The following TNKS1BP1 variants were observed in gnomAD, a reference collection of about 807,000 sequenced individuals.
TNKS1BP1 encodes 182 kDa tankyrase-1-binding protein.
A neutral mutation model predicts 141.1 loss-of-function variants in TNKS1BP1; 48 were observed. The ratio of observed to expected loss-of-function variants is 0.34; its 90% CI spans 0.27 to 0.43. The LOEUF is 0.43. Among genes scored for constraint, TNKS1BP1 ranks in the 20% least tolerant of loss-of-function variants. The probability of loss-of-function intolerance (pLI) is 1.00; values close to 1 mark genes in which losing one functional copy is unlikely to be tolerated. For synonymous variants in TNKS1BP1, 875 were observed against 898.2 expected, an observed-to-expected ratio of 0.97 and a Z score of 0.46; for missense variants, 2,149 against 2,226.0, an observed-to-expected ratio of 0.97 and a Z score of 0.70.
chr11:57,307,942 G>A (rs1278712867), intron 6 of TNKS1BP1, among the ~76,000 whole-genome samples: 1 of 152,184 alleles, frequency 6.6e-6, no homozygotes, highest in Non-Finnish European at 1.5e-5. Context: ...AGAACCCGTG[G>A]GTTCCACTGT....
At position 57,310,027 on chromosome 11, in the gene TNKS1BP1, C is replaced by T. The variant is rs1855680333; in HGVS notation, c.2684G>A (p.Gly895Asp). The change falls in exon 6 of 12, where the codon GGT becomes GAT. Residue 895 changes from glycine (G) to aspartate (D), a missense_variant. By Grantham distance (94) the Gly-to-Asp change is moderately conservative. Coordinates refer to ENST00000358252, the MANE Select transcript of TNKS1BP1 (RefSeq NM_033396.3). ...DWEFGKRDSL[G>D]AYASQDANEQ... ...GTTGGCATCTTGGCTGGCATAAGCA[C>T]CCAGAGAATCTCTCTTCCCAAATTC... The T allele has an allele frequency of 6.2e-7, 1 of 1,614,154 alleles. No individual in the cohort carries two copies. Among genetic ancestry groups the T allele is most frequent in the Non-Finnish European group, 8.5e-7 (1 of 1,180,022 alleles).
chr11:57,320,228 G>A lies in TNKS1BP1; in HGVS notation c.579C>T (p.Gly193=). The part of the protein sequence containing the change: ...WGSRLTFNHD[G]SSRYGPRTYG... ...AGGTCCTGGGGCCATATCGCGAGCT[G>A]CCATCGTGGTTAAAGGTGAGGCGGG... Residue 193 remains glycine (G), a synonymous_variant, in exon 3 of 12, where the codon GGC becomes GGT. Coordinates refer to ENST00000358252, the MANE Select transcript of TNKS1BP1 (RefSeq NM_033396.3). The A allele has an allele frequency of 1.2e-6, 2 of 1,614,210 alleles. No homozygotes were observed. The highest frequency in any genetic ancestry group is 1.7e-6 in the Non-Finnish European group (2 of 1,180,046).
At chr11:57,303,426 G>A (rs71484441) in intron 6 of TNKS1BP1, 5,422 of 152,504 alleles carry the variant, frequency 0.036, 148 homozygotes, top group Non-Finnish European at 0.047. Flanking sequence ...GCACCACACC[G>A]TCCCTGGTGG....
intron 3 of TNKS1BP1, among the ~76,000 whole-genome samples, chr11:57,319,144 CAA>C (rs558416849): frequency 0.16 from 10,054 of 63,966 alleles, 306 homozygotes; most frequent in Middle Eastern, 0.2. Context: ...GACTCCGTCT[CAA>C]AAAAAAAAAA....
chr11:57,322,050 A>C, intron 1 of TNKS1BP1, 100 bp from the exon 2 acceptor site: 1 of 583,628 alleles, frequency 1.7e-6, no homozygotes, highest in Non-Finnish European at 2.4e-6. Flanking sequence ...AGAGTGTGGG[A>C]CAGGAAGAGA....
Position 57,308,709 on chromosome 11 carries a change from T to C in TNKS1BP1, c.4002A>G (p.Leu1334=). 8.7e-6 allele frequency: 14 copies of C among 1,613,242 alleles called. No homozygotes were observed. The highest frequency in any genetic ancestry group is 1.2e-5 in the Non-Finnish European group (14 of 1,179,974). Residue 1334 remains leucine, a synonymous_variant, in exon 6 of 12, where the codon CTA becomes CTG. Transcript: ENST00000358252. ...CCATCTGCCCCACTCCACATCCCCGTAGCCCCTGAGAACCTCCAGAGTCTG... is the reference window on the plus strand; with the variant it reads ...CCATCTGCCCCACTCCACATCCCCGCAGCCCCTGAGAACCTCCAGAGTCTG... ...CDPDSGGSQG[L]RGCGVGQMDW...
Position 57,302,594 on chromosome 11 carries a change from G to C in TNKS1BP1, c.4548C>G (p.Ser1516Arg). 6.2e-7 allele frequency: 1 copy of C among 1,612,782 alleles called. No homozygotes were observed. The highest frequency in any genetic ancestry group is 8.5e-7 in the Non-Finnish European group (1 of 1,179,892). ...SWRPQPDGEA[S>R]QTEDVDGTWG... is the part of the protein sequence containing the mutation. ...AGGTGCCATCCACGTCTTCTGTCTG[G>C]CTGGCCTCACCATCAGGCTGCGGCC... Residue 1516 changes from serine to arginine, a missense_variant, in exon 7 of 12, where the codon AGC (serine) becomes AGG (arginine). Physicochemically the swap from Ser to Arg is moderately radical, Grantham distance 110. Transcript: ENST00000358252. This position sits in a 1 kb window ranked among gnomAD's most constrained non-coding sequence, Gnocchi z 5.5.
intron 6 of TNKS1BP1, among the ~76,000 whole-genome samples, 154 bp downstream of exon 6, chr11:57,308,241 T>C (rs1855642569): frequency 6.6e-6 from 1 of 152,256 alleles, no homozygotes; most frequent in African/African-American, 2.4e-5. Context: ...TATTTTTAAG[T>C]AGAACTAAAA....
intron 5 of TNKS1BP1, chr11:57,311,290 T>G (rs1405374400): frequency 1.0e-6 from 1 of 985,762 alleles, no homozygotes; most frequent in African/African-American, 1.7e-5. Flanking sequence ...GCCAGCCTCA[T>G]CCCTCAGCGC....
In TNKS1BP1 at chr11:57,313,574, G is replaced by C. The variant is rs79638626; in HGVS notation, c.1114C>G (p.Pro372Ala). 79,926 of 1,590,330 alleles carry C rather than the reference G, an allele frequency of 0.05. 2,478 individuals carry two copies. The highest frequency in any genetic ancestry group is 0.053 in the Non-Finnish European group (61,927 of 1,170,008). The change falls in exon 5 of 12, where the codon CCT becomes GCT. Residue 372 changes from proline (P) to alanine (A), a missense_variant. Coordinates refer to ENST00000358252, the MANE Select transcript of TNKS1BP1 (RefSeq NM_033396.3). ...AGGCTATGGGGCTCCAAGACCTCAG[G>C]GGGTGGGCTGCTGGGTCTGGGGGCC... ...PEAPRPSSPP[P>A]EVLEPHSLDQ...
chr11:57,323,918 C>T (rs753467381), intron 1 of TNKS1BP1, among the ~76,000 whole-genome samples: 13 of 152,148 alleles, frequency 8.5e-5, no homozygotes, highest in African/African-American at 3.1e-4. Flanking sequence ...GCAATGAAGG[C>T]GGGCTCAGAG....
At position 57,309,251 on chromosome 11, in the gene TNKS1BP1, T is replaced by C. The variant is rs1403956745; in HGVS notation, c.3460A>G (p.Thr1154Ala). 2.5e-6 allele frequency: 4 copies of C among 1,614,022 alleles called. No homozygotes were observed. In the African/African-American group the frequency reaches 5.3e-5, roughly 22 times the overall value. The change falls in exon 6 of 12, where the codon ACC becomes GCC. Residue 1154 changes from threonine to alanine, a missense_variant. Thr to Ala is a moderately conservative substitution (Grantham distance 58). Transcript: ENST00000358252. The surrounding 1 kb of genome is among the most constrained non-coding windows in gnomAD (Gnocchi z 4.3). Reference sequence around the variant, plus strand: ...GTCCAGTCCACCGAGCCAGCTGTGGTCTTCCCAGGAGGCACAAAGTGACCA... The same window carrying C: ...GTCCAGTCCACCGAGCCAGCTGTGGCCTTCCCAGGAGGCACAAAGTGACCA... The part of the protein sequence containing the change: ...EGGHFVPPGK[T>A]TAGSVDWTDQ...
Position 57,300,883 on chromosome 11 carries a change from C to A in TNKS1BP1, c.5129+1G>T. Reference sequence around the variant, plus strand: ...GGATGCCCAGAGCTTAGGTCACCTACCCTGAGGATTTCTCTGGCTTGGGAG... The same window carrying A: ...GGATGCCCAGAGCTTAGGTCACCTAACCTGAGGATTTCTCTGGCTTGGGAG... On this transcript the variant is annotated splice_donor_variant, in intron 10 of 11. Transcript: ENST00000358252. LOFTEE classifies it high-confidence loss of function. 6.2e-7 allele frequency: 1 copy of A among 1,613,394 alleles called. No individual in the cohort carries two copies. Among genetic ancestry groups the A allele is most frequent in the Non-Finnish European group, 8.5e-7 (1 of 1,179,586 alleles).
chr11:57,307,388 G>A (rs1256796493), intron 6 of TNKS1BP1, among the ~76,000 whole-genome samples: 1 of 152,008 alleles, frequency 6.6e-6, no homozygotes. Flanking sequence ...AGCCTGAGTC[G>A]TCAGGAAGCT....
chr11:57,309,185 C>T lies in TNKS1BP1; in HGVS notation c.3526G>A (p.Val1176Met), dbSNP rs1289694554. The T allele has an allele frequency of 2.5e-6, 4 of 1,614,234 alleles. No homozygotes were observed. The highest frequency in any genetic ancestry group is 2.7e-5 in the African/African-American group (2 of 75,066). ...GLRNLEVSSCVGSGGSSEARE... is the reference protein window; with the variant it reads ...GLRNLEVSSCMGSGGSSEARE... Reference sequence around the variant, plus strand: ...GCCTCGCTCGAGCCCCCAGAACCCACACAGCTGGACACTTCCAAGTTCCTG... The same window carrying T: ...GCCTCGCTCGAGCCCCCAGAACCCATACAGCTGGACACTTCCAAGTTCCTG... Residue 1176 changes from valine to methionine, a missense_variant, in exon 6 of 12, where the codon GTG becomes ATG. Val to Met is a conservative substitution (Grantham distance 21, BLOSUM62 1). Coordinates refer to ENST00000358252, the MANE Select transcript of TNKS1BP1 (RefSeq NM_033396.3). The surrounding 1 kb of genome is among the most constrained non-coding windows in gnomAD (Gnocchi z 4.3).
chr11:57,302,295 C>T lies in TNKS1BP1; in HGVS notation c.4684-71G>A. On this transcript the variant is annotated intron_variant, in intron 7 of 11. Transcript: ENST00000358252. This position sits in a 1 kb window ranked among gnomAD's most constrained non-coding sequence, Gnocchi z 5.5. ...ACGGGAGCCCCTCAACAGTAGCTGA[C>T]CAGGAGCTGGACCCCTCCTGCAGCC... 3 of 1,559,576 alleles carry T rather than the reference C, an allele frequency of 1.9e-6. No individual in the cohort carries two copies. Among genetic ancestry groups the T allele is most frequent in the Non-Finnish European group, 2.6e-6 (3 of 1,150,898 alleles).
In TNKS1BP1 at chr11:57,313,554, A is replaced by G. The variant is rs752901552; in HGVS notation, c.1134T>C (p.His378=). Residue 378 remains histidine (H), a synonymous_variant, in exon 5 of 12, where the codon CAT becomes CAC. Transcript: ENST00000358252. ...SSPPPEVLEP[H]SLDQPPATSP... is the part of the protein sequence containing the mutation. ...AGGTGGCAGGGGGCTGATCCAGGCTATGGGGCTCCAAGACCTCAGGGGGTG... is the reference window on the plus strand; with the variant it reads ...AGGTGGCAGGGGGCTGATCCAGGCTGTGGGGCTCCAAGACCTCAGGGGGTG... 1.3e-6 allele frequency: 2 copies of G among 1,581,256 alleles called. No individual in the cohort carries two copies. The highest frequency in any genetic ancestry group is 1.7e-6 in the Non-Finnish European group (2 of 1,165,116).
Position 57,302,266 on chromosome 11 carries a change from T to A in TNKS1BP1, c.4684-42A>T. The A allele has an allele frequency of 4.4e-6, 7 of 1,584,746 alleles. No homozygotes were observed. Among genetic ancestry groups the A allele is most frequent in the Non-Finnish European group, 6.0e-6 (7 of 1,163,122 alleles). On this transcript the variant is annotated intron_variant, in intron 7 of 11. Coordinates refer to ENST00000358252, the MANE Select transcript of TNKS1BP1 (RefSeq NM_033396.3). This position sits in a 1 kb window ranked among gnomAD's most constrained non-coding sequence, Gnocchi z 5.5. Reference sequence around the variant, plus strand: ...TGACACCACTGCCATTGCTGCCTCATCCCACGGGAGCCCCTCAACAGTAGC... The same window carrying A: ...TGACACCACTGCCATTGCTGCCTCAACCCACGGGAGCCCCTCAACAGTAGC...
At position 57,302,203 on chromosome 11, in the gene TNKS1BP1, C is replaced by T; in HGVS notation, c.4705G>A (p.Ala1569Thr). Reference sequence around the variant, plus strand: ...AAGTTGGCACGGCTCCGATACATGGCACTGTCGAGGATCTCGGTGTCCTGC... The same window carrying T: ...AAGTTGGCACGGCTCCGATACATGGTACTGTCGAGGATCTCGGTGTCCTGC... The part of the protein sequence containing the change: ...FIEDTEILDS[A>T]MYRSRANLGR... The change falls in exon 8 of 12, where the codon GCC becomes ACC. Residue 1569 changes from alanine to threonine, a missense_variant. By Grantham distance (58) the Ala-to-Thr change is moderately conservative. Coordinates refer to ENST00000358252, the MANE Select transcript of TNKS1BP1 (RefSeq NM_033396.3). This position sits in a 1 kb window ranked among gnomAD's most constrained non-coding sequence, Gnocchi z 5.5. The T allele has an allele frequency of 6.2e-7, 1 of 1,612,640 alleles. No individual in the cohort carries two copies.
Sources: allele counts gnomAD v4.1 joint callset (sites outside exome capture counted in the v4.1 genomes callset), GRCh38; gene constraint gnomAD v4.1.1; non-coding constraint Gnocchi (gnomAD v3.1); transcripts MANE v1.5; gene names NCBI Gene and HGNC (gene_info 2026-07-23, HGNC 2026-07-21).